The following NDC80 variants were observed in gnomAD, a reference collection of about 807,000 sequenced individuals.
The protein encoded by NDC80 is NDC80 kinetochore complex component, also known as kinetochore protein NDC80 homolog.
In NDC80, 69 loss-of-function variants were observed where a neutral mutation model predicts 89.3. That is an observed-to-expected ratio of 0.77 (90% CI 0.64 to 0.94). NDC80 has a LOEUF of 0.94. Among genes scored for constraint, NDC80 ranks in the 40% least tolerant of loss-of-function variants. The probability of loss-of-function intolerance (pLI) is 0.00; values close to 1 mark genes in which losing one functional copy is unlikely to be tolerated. For synonymous variants in NDC80, 243 were observed against 255.6 expected (o/e 0.95, Z 0.47); for missense variants, 593 against 739.6 (o/e 0.80, Z 2.30).
chr18:2,578,116 G>T lies in NDC80; in HGVS notation c.451G>T (p.Val151Phe). The T allele has an allele frequency of 1.2e-6, 2 of 1,613,868 alleles. No individual in the cohort carries two copies. Among genetic ancestry groups the T allele is most frequent in the Non-Finnish European group, 1.7e-6 (2 of 1,179,954 alleles). Residue 151 changes from valine (V) to phenylalanine (F), a missense_variant, in exon 5 of 17, where the codon GTT (valine) becomes TTT (phenylalanine). By Grantham distance (50) the Val-to-Phe change is conservative (BLOSUM62 -1). Transcript: ENST00000261597. ...TCCTGACACAAAGTTTGAAGAAGAG[G>T]TTCCAAGAATCTTTAAAGACCTTGG... ...ELPDTKFEEE[V>F]PRIFKDLGYP...
chr18:2,592,404 G>A (rs1389971584), intron 10 of NDC80, among the ~76,000 whole-genome samples: 3 of 148,742 alleles, frequency 2.0e-5, no homozygotes, highest in African/African-American at 7.5e-5. Flanking sequence ...CGCCCAGGCT[G>A]GAGTAGAGTG....
In NDC80 at chr18:2,583,673, G is replaced by A. The variant is rs188742497; in HGVS notation, c.580-1440G>A. On this transcript the variant is annotated intron_variant, in intron 6 of 16. Transcript: ENST00000261597. ...GATCTCAGCCACTGCACTCCAGCCT[G>A]GGCGACAGAGGGAGACTCCGTCTCA... Among the ~76,000 whole-genome samples, 61 of 150,602 alleles carry A rather than the reference G, an allele frequency of 4.1e-4. 2 individuals carry two copies. Among genetic ancestry groups the A allele is most frequent in the African/African-American group, 1.5e-3 (60 of 40,766 alleles).
At chr18:2,579,070 G>GT in intron 6 of NDC80, 41 bp downstream of exon 6, 6 of 1,240,016 alleles carry the variant, frequency 4.8e-6, no homozygotes, top group South Asian at 1.8e-5. Flanking sequence ...ATGGGAAAGG[G>GT]TTTTTTTCCT....
Position 2,608,828 on chromosome 18 carries a change from G to C in NDC80, c.1686G>C (p.Arg562=). The change falls in exon 15 of 17, where the codon CGG becomes CGC. Residue 562 remains arginine, a splice_region_variant and synonymous_variant. Transcript: ENST00000261597. ...EAMNELDAVQ[R]EYQLVVQTTT... is the part of the protein sequence containing the mutation. ...TGAATGAATTAGATGCTGTTCAGCG[G>C]GAGTAAGTTTATCTCACCAAGATTT... 6.2e-7 allele frequency: 1 copy of C among 1,601,956 alleles called. No individual in the cohort carries two copies. The highest frequency in any genetic ancestry group is 2.2e-5 in the East Asian group (1 of 44,622).
At chr18:2,598,107 T>C (rs542465789) in intron 11 of NDC80, among the ~76,000 whole-genome samples, 1 of 152,356 alleles carries the variant, frequency 6.6e-6, no homozygotes, top group East Asian at 1.9e-4. Flanking sequence ...TAAGTAATAT[T>C]GCTTTTGAGA....
chr18:2,591,147 A>G (rs952660700), intron 10 of NDC80, among the ~76,000 whole-genome samples: 1 of 152,184 alleles, frequency 6.6e-6, no homozygotes, highest in Non-Finnish European at 1.5e-5. Context: ...TTGAAAATCA[A>G]AATTAAAGCT....
In NDC80 at chr18:2,611,045, A is replaced by ATTT. The variant is rs34508122; in HGVS notation, c.1791+202_1791+204dup. 2.8e-4 allele frequency among the ~76,000 whole-genome samples: 32 copies of ATTT among 112,516 alleles called. 3 individuals carry two copies. Among genetic ancestry groups the ATTT allele is most frequent in the Admixed American group, 6.3e-4 (6 of 9,588 alleles). 73.8% of individuals were successfully genotyped at this position (112,516 alleles called of 152,430 possible). On this transcript the variant is annotated intron_variant, in intron 16 of 16. Coordinates refer to ENST00000261597, the MANE Select transcript of NDC80 (RefSeq NM_006101.3). Reference sequence around the variant, plus strand: ...ACGTGATGCAGGGGAACACTTGAGCATTTTTTTTTTTTTTTTTTTTGAGAC... The same window carrying ATTT: ...ACGTGATGCAGGGGAACACTTGAGCATTTTTTTTTTTTTTTTTTTTTTTGAGAC...
At chr18:2,599,637 A>G (rs2072674401) in intron 12 of NDC80, among the ~76,000 whole-genome samples, 1 of 152,212 alleles carries the variant, frequency 6.6e-6, no homozygotes, top group Non-Finnish European at 1.5e-5. Flanking sequence ...GTATTAGAGT[A>G]CTAAGAATAC....
At chr18:2,605,251 T>C (rs550619567) in intron 13 of NDC80, among the ~76,000 whole-genome samples, 3 of 106,840 alleles carry the variant, frequency 2.8e-5, no homozygotes, top group South Asian at 3.7e-4. Context: ...CAGTAGGCAA[T>C]TGGAGTCGGG....
intron 5 of NDC80, among the ~76,000 whole-genome samples, chr18:2,578,394 G>A (rs547167553): frequency 1.3e-5 from 2 of 152,122 alleles, no homozygotes; most frequent in Non-Finnish European, 2.9e-5. Flanking sequence ...GGGTACAGAC[G>A]GATAAAATCC....
intron 14 of NDC80, 74 bp from the exon 15 acceptor site, chr18:2,608,626 A>C: frequency 7.1e-7 from 1 of 1,416,298 alleles, no homozygotes; most frequent in Non-Finnish European, 9.5e-7. Flanking sequence ...GCTTTTTATA[A>C]TTGTTTTAAA....
chr18:2,575,173 T>C (rs2072540042), intron 3 of NDC80, 107 bp downstream of exon 3: 1 of 815,808 alleles, frequency 1.2e-6, no homozygotes, highest in South Asian at 1.8e-5. Flanking sequence ...GAGAGAAAAG[T>C]TATAATCTAG....
chr18:2,586,189 T>C (rs754196619), intron 7 of NDC80, among the ~76,000 whole-genome samples: 41 of 152,256 alleles, frequency 2.7e-4, no homozygotes, highest in Admixed American at 3.3e-4. Context: ...TCCCATCTTT[T>C]ATGACTGCCT....
chr18:2,615,169 G>C (rs953257132), intron 16 of NDC80: 2 of 152,106 alleles, frequency 1.3e-5, no homozygotes, highest in Non-Finnish European at 2.9e-5. Context: ...ATTTGTTACA[G>C]TATCAGTATT....
intron 12 of NDC80, among the ~76,000 whole-genome samples, chr18:2,600,717 G>A (rs1005962750): frequency 1.3e-5 from 2 of 152,032 alleles, no homozygotes; most frequent in South Asian, 2.1e-4. Context: ...AAAACATAAT[G>A]GCATATGGGA....
In NDC80 at chr18:2,616,550, T is replaced by C; in HGVS notation, c.1905T>C (p.Thr635=). ...EIRDKYEKKA[T]LIKSSEE is the part of the protein sequence containing the mutation. ...GAGATAAGTATGAGAAGAAAGCTAC[T>C]CTAATTAAGTCTTCTGAAGAATGAA... Residue 635 remains threonine (T), a synonymous_variant, in exon 17 of 17, where the codon ACT becomes ACC. Coordinates refer to ENST00000261597, the MANE Select transcript of NDC80 (RefSeq NM_006101.3). 1 of 1,438,366 alleles carries C rather than the reference T, an allele frequency of 7.0e-7. No homozygotes were observed. Among genetic ancestry groups the C allele is most frequent in the Admixed American group, 2.3e-5 (1 of 43,232 alleles). 89.1% of individuals were successfully genotyped at this position (1,438,366 alleles called of 1,614,324 possible).
intron 16 of NDC80, 72 bp downstream of exon 16, chr18:2,610,933 C>G (rs558907148): frequency 1.6e-5 from 15 of 920,840 alleles, no homozygotes; most frequent in Non-Finnish European, 2.3e-5. Flanking sequence ...TGCTTTCTTC[C>G]ATATAAATTA....
intron 3 of NDC80, chr18:2,577,207 T>A (rs546145095): frequency 1.4e-5 from 2 of 141,478 alleles, no homozygotes; most frequent in South Asian, 4.4e-4. Flanking sequence ...GTACTGATAC[T>A]GTCTGCGCTT....
intron 5 of NDC80, among the ~76,000 whole-genome samples, chr18:2,578,543 C>CAA (rs1232678780): frequency 1.3e-5 from 2 of 148,804 alleles, no homozygotes; most frequent in African/African-American, 4.9e-5. Flanking sequence ...AAGCCAAAAA[C>CAA]AAAAAAAAAC....
Sources: gnomAD v4.1 joint callset for allele counts (sites outside exome capture counted in the v4.1 genomes callset) on GRCh38, gnomAD v4.1.1 for gene constraint, MANE v1.5 for transcripts, NCBI Gene and HGNC (gene_info 2026-07-23, HGNC 2026-07-21) for gene names.